PIBF1: variants seen among roughly 807,000 people sequenced by gnomAD.
The protein encoded by PIBF1 is progesterone immunomodulatory binding factor 1.
In PIBF1, 90 loss-of-function variants were observed where a neutral mutation model predicts 112.5. That is an observed-to-expected ratio of 0.80 (90% confidence interval 0.67 to 0.95). The LOEUF is 0.95. PIBF1 is among the 40% of genes least tolerant of loss of function. The pLI, the probability that PIBF1 is intolerant of heterozygous loss-of-function variation, is 0.00. For synonymous variants in PIBF1, 301 were observed against 288.6 expected (o/e 1.04, Z -0.44); for missense variants, 915 against 852.3 (o/e 1.07, Z -0.92).
intron 14 of PIBF1, among the ~76,000 whole-genome samples, chr13:72,936,036 T>A (rs868259011): frequency 2.2e-5 from 3 of 134,634 alleles, no homozygotes; most frequent in Non-Finnish European, 3.3e-5. Context: ...TTATTTATTA[T>A]TTATTTTTAG....
chr13:72,845,703 T>C (rs889402966), intron 9 of PIBF1, among the ~76,000 whole-genome samples: 4 of 152,206 alleles, frequency 2.6e-5, no homozygotes, highest in Non-Finnish European at 5.9e-5. Flanking sequence ...CCATTTTGAC[T>C]GGCATGAGAT....
intron 17 of PIBF1, among the ~76,000 whole-genome samples, chr13:73,005,547 T>C (rs2044007038): frequency 1.3e-5 from 2 of 151,892 alleles, no homozygotes; most frequent in South Asian, 4.2e-4. Flanking sequence ...TTAAAAATTG[T>C]AAGTAGGTTA....
chr13:72,801,409 T>C (rs913879729), intron 5 of PIBF1, among the ~76,000 whole-genome samples: 5 of 152,162 alleles, frequency 3.3e-5, no homozygotes, highest in African/African-American at 1.2e-4. Context: ...GCATAAAATA[T>C]ATGTAGGTAC....
intron 10 of PIBF1, among the ~76,000 whole-genome samples, chr13:72,856,684 T>TAA (rs1447586520): frequency 6.6e-6 from 1 of 152,172 alleles, no homozygotes; most frequent in Non-Finnish European, 1.5e-5. Context: ...ACTTATCTGT[T>TAA]TTTTAAGATA....
chr13:72,990,269 C>T (rs981293426), intron 16 of PIBF1, among the ~76,000 whole-genome samples: 23 of 150,722 alleles, frequency 1.5e-4, no homozygotes, highest in Non-Finnish European at 3.0e-4. Flanking sequence ...CCTGTAATCC[C>T]AGCACTTTGG....
At chr13:72,939,595 G>T (rs141861029) in intron 14 of PIBF1, among the ~76,000 whole-genome samples, 1 of 152,186 alleles carries the variant, frequency 6.6e-6, no homozygotes, top group East Asian at 1.9e-4. Context: ...ATATTCTGTT[G>T]TGTATATTTA....
At chr13:72,884,257 C>T (rs533319456) in intron 10 of PIBF1, among the ~76,000 whole-genome samples, 3 of 152,256 alleles carry the variant, frequency 2.0e-5, no homozygotes, top group Admixed American at 6.5e-5. Flanking sequence ...CTCTACACAC[C>T]CTGATAGGCA....
intron 15 of PIBF1, among the ~76,000 whole-genome samples, chr13:72,972,344 A>G (rs896224960): frequency 6.6e-6 from 1 of 152,080 alleles, no homozygotes; most frequent in African/African-American, 2.4e-5. Flanking sequence ...CATTTTCTTA[A>G]AGTAGAACTT....
rs867632473 is a variant in PIBF1 at position 72,893,801 on chromosome 13, TTAG to T, written c.1343_1345del (p.Ser448del). Reference sequence around the variant, plus strand: ...TCTTTCAGGTACAGAGAACTACAACTTAGTACAGAAAGCAAAGTAACAGAATTT... The same window carrying T: ...TCTTTCAGGTACAGAGAACTACAACTTACAGAAAGCAAAGTAACAGAATTT... On this transcript the variant is annotated inframe_deletion, in exon 11 of 18. Transcript: ENST00000326291. The T allele has an allele frequency of 3.8e-6, 6 of 1,597,294 alleles. No individual in the cohort carries two copies. In the African/African-American group the frequency reaches 8.1e-5, roughly 22 times the overall value.
At chr13:72,790,077 A>G (rs1367122816) in intron 2 of PIBF1, among the ~76,000 whole-genome samples, 2 of 152,174 alleles carry the variant, frequency 1.3e-5, no homozygotes, top group Non-Finnish European at 1.5e-5. Flanking sequence ...CCTATGCTCT[A>G]TCAGATTTTT....
chr13:72,914,211 A>G (rs1246130260), intron 12 of PIBF1, among the ~76,000 whole-genome samples: 1 of 152,178 alleles, frequency 6.6e-6, no homozygotes, highest in Non-Finnish European at 1.5e-5. Flanking sequence ...ATTAGCCTTC[A>G]TTTATTAAGG....
At chr13:73,004,995 A>G (rs1249756630) in intron 17 of PIBF1, among the ~76,000 whole-genome samples, 4 of 152,078 alleles carry the variant, frequency 2.6e-5, no homozygotes, top group African/African-American at 9.7e-5. Flanking sequence ...GACCAGCCTG[A>G]CCAACATGGA....
chr13:72,831,122 T>C (rs1417899971), intron 8 of PIBF1, among the ~76,000 whole-genome samples: 1 of 152,168 alleles, frequency 6.6e-6, no homozygotes, highest in Admixed American at 6.5e-5. Flanking sequence ...CTCCCCTTTA[T>C]CATTTTTTAT....
At chr13:72,835,839 C>A (rs2037332619) in intron 9 of PIBF1, among the ~76,000 whole-genome samples, 1 of 152,158 alleles carries the variant, frequency 6.6e-6, no homozygotes, top group Non-Finnish European at 1.5e-5. Flanking sequence ...GTGGCTCACG[C>A]CTGTAATCCC....
intron 17 of PIBF1, among the ~76,000 whole-genome samples, chr13:73,009,296 T>A (rs1594363338): frequency 6.6e-6 from 1 of 152,300 alleles, no homozygotes; most frequent in East Asian, 1.9e-4. Context: ...TTATACAGGG[T>A]GAATCTATTG....
chr13:72,844,246 A>G (rs1211602592), intron 9 of PIBF1, among the ~76,000 whole-genome samples: 1 of 152,138 alleles, frequency 6.6e-6, no homozygotes, highest in East Asian at 1.9e-4. Flanking sequence ...TGCAGTGCAC[A>G]CTCCCATTTA....
intron 5 of PIBF1, among the ~76,000 whole-genome samples, chr13:72,816,686 T>C (rs1351977654): frequency 2.0e-5 from 3 of 151,418 alleles, no homozygotes; most frequent in Middle Eastern, 3.2e-3. Context: ...TACTGAGTTA[T>C]TTTTTTCTTT....
intron 17 of PIBF1, among the ~76,000 whole-genome samples, chr13:73,003,902 G>A (rs1002757481): frequency 1.3e-5 from 2 of 151,772 alleles, no homozygotes; most frequent in African/African-American, 4.8e-5. Context: ...GTAGAGACAG[G>A]GTCTCACTGC....
At chr13:72,985,539 G>A (rs533224314) in intron 16 of PIBF1, among the ~76,000 whole-genome samples, 10 of 151,534 alleles carry the variant, frequency 6.6e-5, no homozygotes, top group African/African-American at 1.5e-4. Context: ...GTGAGACTCC[G>A]TCTCAAAAAA....
Sources: gnomAD v4.1 joint callset for allele counts (sites outside exome capture counted in the v4.1 genomes callset) on GRCh38, gnomAD v4.1.1 for gene constraint, MANE v1.5 for transcripts, NCBI Gene and HGNC (gene_info 2026-07-23, HGNC 2026-07-21) for gene names.